The following ACTR3C variants were observed in gnomAD, a reference collection of about 807,000 sequenced individuals.
The protein encoded by ACTR3C is actin related protein 3C, also known as actin-related protein 3C.
Under a neutral mutation model 26.3 loss-of-function variants are expected in ACTR3C, and 18 were observed. The ratio of observed to expected loss-of-function variants is 0.68; its 90% confidence interval spans 0.47 to 1.01. The LOEUF (loss-of-function observed/expected upper bound fraction) is 1.01. Among genes scored for constraint, ACTR3C ranks in the 50% least tolerant of loss-of-function variants. ACTR3C has a pLI of 0.00. For missense variants in ACTR3C, 184 were observed against 250.7 expected, an observed-to-expected ratio of 0.73 and a Z score of 1.80; for synonymous variants, 55 against 94.5, an observed-to-expected ratio of 0.58 and a Z score of 2.42.
chr7:150,163,770 G>A, the ACTR3C span, among the ~76,000 whole-genome samples: 2 of 152,050 alleles, frequency 1.3e-5, no homozygotes, highest in East Asian at 1.9e-4. Flanking sequence ...AGGCAGGTGG[G>A]CAGGGGCAGA....
chr7:149,984,450 C>T, the ACTR3C span, among the ~76,000 whole-genome samples: 4 of 151,852 alleles, frequency 2.6e-5, no homozygotes, highest in South Asian at 2.1e-4. Context: ...ATGATCCACC[C>T]GCCTCAGCCT....
At position 150,293,361 on chromosome 7, in the gene ACTR3C, G is replaced by T. The variant is rs775952807; in HGVS notation, c.104C>A (p.Thr35Lys). The T allele has an allele frequency of 3.1e-6, 5 of 1,607,754 alleles. No individual in the cohort carries two copies. The highest frequency in any genetic ancestry group is 4.2e-6 in the Non-Finnish European group (5 of 1,176,654). ...TSRQVGERTL[T>K]GIVIDSGDGV... ...ATCTCCGCTGTCAATGACTATCCCC[G>T]TTAATGTACGTTCACCCACTTGTCG... The change falls in exon 3 of 8, where the codon ACG becomes AAG. Residue 35 changes from threonine to lysine, a missense_variant. By Grantham distance (78) the Thr-to-Lys change is moderately conservative. Coordinates refer to ENST00000683684, the MANE Select transcript of ACTR3C (RefSeq NM_001164458.2).
intron 3 of ACTR3C, among the ~76,000 whole-genome samples, chr7:150,290,459 G>C (rs1162389864): frequency 6.6e-6 from 1 of 152,184 alleles, no homozygotes; most frequent in East Asian, 1.9e-4. Context: ...CGTCAGAGTG[G>C]ACAACGCCCA....
the ACTR3C span, among the ~76,000 whole-genome samples, chr7:149,883,289 T>C: frequency 1.3e-5 from 2 of 152,130 alleles, no homozygotes; most frequent in Admixed American, 1.3e-4. Context: ...ACAGTCACTA[T>C]GTACCCAACT....
the ACTR3C span, among the ~76,000 whole-genome samples, chr7:150,029,162 C>T: frequency 6.6e-6 from 1 of 152,042 alleles, no homozygotes; most frequent in East Asian, 1.9e-4. Flanking sequence ...GTGTTCAGCA[C>T]AAATGTTGAC....
chr7:150,035,683 T>G, the ACTR3C span, among the ~76,000 whole-genome samples: 5 of 129,374 alleles, frequency 3.9e-5, 2 homozygotes, highest in Non-Finnish European at 6.9e-5. Context: ...CCTAAGGATC[T>G]TAGGATCAGC....
At chr7:150,006,265 C>T in the ACTR3C span, among the ~76,000 whole-genome samples, 5 of 148,954 alleles carry the variant, frequency 3.4e-5, no homozygotes, top group South Asian at 2.1e-4. Context: ...GGCGCAATCT[C>T]GGCTCACTGC....
At chr7:150,147,354 AG>A in the ACTR3C span, among the ~76,000 whole-genome samples, 4 of 152,216 alleles carry the variant, frequency 2.6e-5, no homozygotes, top group Admixed American at 6.5e-5. Context: ...GAAGAAAAAA[AG>A]AGGCCAAAAA....
At chr7:150,271,792 C>G (rs75750788) in intron 6 of ACTR3C, among the ~76,000 whole-genome samples, 25,161 of 145,234 alleles carry the variant, frequency 0.17, 3,572 homozygotes, top group African/African-American at 0.34. Context: ...TACCACCAAC[C>G]ACCATGTTGC....
chr7:150,058,266 A>C, the ACTR3C span, among the ~76,000 whole-genome samples: 1 of 152,198 alleles, frequency 6.6e-6, no homozygotes, highest in Non-Finnish European at 1.5e-5. Flanking sequence ...GTTGTTTTCC[A>C]AGAGGAAACT....
At chr7:149,906,452 G>GAT in the ACTR3C span, among the ~76,000 whole-genome samples, 1 of 74,014 alleles carries the variant, frequency 1.4e-5, no homozygotes. Flanking sequence ...TTTTTTTTTA[G>GAT]ATGGAGCCTC....
At chr7:150,122,537 G>A in the ACTR3C span, among the ~76,000 whole-genome samples, 1 of 152,204 alleles carries the variant, frequency 6.6e-6, no homozygotes, top group Non-Finnish European at 1.5e-5. Context: ...ACCACAATGA[G>A]ATACCATCTC....
chr7:149,903,408 A>G, the ACTR3C span, among the ~76,000 whole-genome samples: 2 of 152,164 alleles, frequency 1.3e-5, no homozygotes, highest in African/African-American at 4.8e-5. Flanking sequence ...AAAATCTTAC[A>G]AACCTCAGTA....
the ACTR3C span, among the ~76,000 whole-genome samples, chr7:150,046,346 C>T: frequency 2.1e-5 from 1 of 48,252 alleles, no homozygotes; most frequent in Non-Finnish European, 6.3e-5. Context: ...AATGTCTCAC[C>T]GCCCCCCCCC....
intron 6 of ACTR3C, among the ~76,000 whole-genome samples, chr7:150,252,587 A>C (rs561026691): frequency 1.3e-5 from 2 of 152,348 alleles, no homozygotes; most frequent in South Asian, 4.1e-4. Context: ...ATACTATATG[A>C]AACATTTTAG....
At chr7:150,169,426 A>G in the ACTR3C span, among the ~76,000 whole-genome samples, 1 of 146,998 alleles carries the variant, frequency 6.8e-6, no homozygotes, top group African/African-American at 2.6e-5. Flanking sequence ...ATGGAGGGAC[A>G]CCAGAGCTCC....
the ACTR3C span, among the ~76,000 whole-genome samples, chr7:149,958,885 G>C: frequency 1.3e-5 from 2 of 152,248 alleles, no homozygotes; most frequent in East Asian, 3.9e-4. Flanking sequence ...AACACCCTAG[G>C]GTTGGATAGA....
chr7:149,966,655 T>A, the ACTR3C span, among the ~76,000 whole-genome samples: 1 of 152,102 alleles, frequency 6.6e-6, no homozygotes, highest in Non-Finnish European at 1.5e-5. Flanking sequence ...TCTGTTTTTT[T>A]ACAAAGTCCC....
At chr7:150,173,448 A>G in the ACTR3C span, among the ~76,000 whole-genome samples, 2 of 147,256 alleles carry the variant, frequency 1.4e-5, no homozygotes, top group African/African-American at 5.4e-5. Flanking sequence ...GGCTGCACAC[A>G]GTACAGGGAC....
Sources: allele counts gnomAD v4.1 joint callset (sites outside exome capture counted in the v4.1 genomes callset), GRCh38; gene constraint gnomAD v4.1.1; transcripts MANE v1.5; gene names NCBI Gene and HGNC (gene_info 2026-07-23, HGNC 2026-07-21).